The following COP1 variants were observed in gnomAD, a reference collection of about 807,000 sequenced individuals.
The protein encoded by COP1 is E3 ubiquitin-protein ligase COP1.
Under a neutral mutation model 101.3 loss-of-function variants are expected in COP1, and 24 were observed. The ratio of observed to expected loss-of-function variants is 0.24; its 90% CI spans 0.17 to 0.33. COP1 has a LOEUF of 0.33. COP1 is among the 10% of genes least tolerant of loss of function. The pLI is 1.00. For synonymous variants in COP1, 347 were observed against 341.9 expected, an observed-to-expected ratio of 1.01 and a Z score of -0.17; for missense variants, 663 against 906.2, an observed-to-expected ratio of 0.73 and a Z score of 3.45.
chr1:176,028,404 A>C (rs1294683196), intron 14 of COP1, among the ~76,000 whole-genome samples: 1 of 151,702 alleles, frequency 6.6e-6, no homozygotes, highest in Non-Finnish European at 1.5e-5. Context: ...GCCTCTACTA[A>C]AAATACAAAA....
chr1:176,135,065 G>A lies in COP1; in HGVS notation c.913C>T (p.Pro305Ser), dbSNP rs766705212. 45 of 1,608,024 alleles carry A rather than the reference G, an allele frequency of 2.8e-5. No homozygotes were observed. Among genetic ancestry groups the A allele is most frequent in the South Asian group, 2.1e-4 (19 of 90,844 alleles). ...GGCACTGTGCTATCCTCACTGACAG[G>A]AGAGTATAAGCCACTCATTTCCTGA... ...RVEEMSGLYS[P>S]VSEDSTVPQF... The change falls in exon 8 of 20, where the codon CCT becomes TCT. Residue 305 changes from proline (P) to serine (S), a missense_variant. By Grantham distance (74) the Pro-to-Ser change is moderately conservative (BLOSUM62 -1). Coordinates refer to ENST00000367669, the MANE Select transcript of COP1 (RefSeq NM_022457.7).
At chr1:176,199,507 A>G (rs1700060796) in intron 1 of COP1, among the ~76,000 whole-genome samples, 2 of 152,250 alleles carry the variant, frequency 1.3e-5, no homozygotes, top group South Asian at 4.1e-4. Flanking sequence ...ATAATAGCCA[A>G]AAACTAGAAA....
At chr1:175,969,569 T>C (rs1363099587) in intron 18 of COP1, among the ~76,000 whole-genome samples, 2 of 152,160 alleles carry the variant, frequency 1.3e-5, no homozygotes, top group Non-Finnish European at 2.9e-5. Context: ...CAATCATACT[T>C]CTCCATGAGA....
At chr1:176,184,160 G>C (rs1226970154) in intron 2 of COP1, among the ~76,000 whole-genome samples, 1 of 151,916 alleles carries the variant, frequency 6.6e-6, no homozygotes, top group Non-Finnish European at 1.5e-5. Flanking sequence ...AAATTTTTTT[G>C]ATGTATGAGT....
chr1:176,162,161 G>C lies in COP1; in HGVS notation c.762+708C>G, dbSNP rs1694436933. Among the ~76,000 whole-genome samples the C allele has an allele frequency of 3.9e-5, 6 of 152,232 alleles. No individual in the cohort carries two copies. In the South Asian group the frequency reaches 1.2e-3, roughly 32 times the overall value. ...ACTTGTAGTCTTCCAGAGAAGCCAT[G>C]GTTCTAATCTTCTCAAAGTTTGGTG... On this transcript the variant is annotated intron_variant, in intron 5 of 19. Coordinates refer to ENST00000367669, the MANE Select transcript of COP1 (RefSeq NM_022457.7).
intron 18 of COP1, among the ~76,000 whole-genome samples, chr1:175,978,621 G>A (rs1011477428): frequency 2.0e-5 from 3 of 152,074 alleles, no homozygotes; most frequent in African/African-American, 7.2e-5. Context: ...TGGAAGTCAG[G>A]GTCCATGCTC....
intron 3 of COP1, among the ~76,000 whole-genome samples, chr1:176,171,464 T>G (rs1322822509): frequency 6.6e-6 from 1 of 152,226 alleles, no homozygotes; most frequent in Non-Finnish European, 1.5e-5. Context: ...ACTACTAAAC[T>G]TTCTCCATAT....
intron 9 of COP1, among the ~76,000 whole-genome samples, chr1:176,089,640 T>C (rs889925411): frequency 1.3e-5 from 2 of 152,202 alleles, no homozygotes; most frequent in African/African-American, 4.8e-5. Flanking sequence ...GTAAGAGTCA[T>C]ATTTTAAAGC....
intron 14 of COP1, among the ~76,000 whole-genome samples, chr1:176,032,633 G>C (rs1668823083): frequency 6.6e-6 from 1 of 152,076 alleles, no homozygotes; most frequent in Admixed American, 6.5e-5. Flanking sequence ...TAAGGCTTCA[G>C]TTCCCCACCA....
intron 16 of COP1, 110 bp downstream of exon 16, chr1:175,989,252 T>A: frequency 1.8e-6 from 1 of 561,006 alleles, no homozygotes. Flanking sequence ...TAAGAAAAAG[T>A]ACATATACTC....
At chr1:176,124,803 G>A (rs375579962) in intron 8 of COP1, among the ~76,000 whole-genome samples, 12 of 152,156 alleles carry the variant, frequency 7.9e-5, no homozygotes, top group East Asian at 3.9e-4. Flanking sequence ...GGATTGCTGC[G>A]TAATATGCTA....
intron 19 of COP1, 95 bp from the exon 20 acceptor site, chr1:175,945,265 A>C: frequency 1.1e-6 from 1 of 903,442 alleles, no homozygotes; most frequent in African/African-American, 1.8e-5. Flanking sequence ...TAGAAAAGCA[A>C]ATTTAAAAAA....
At chr1:176,162,110 A>G (rs1248267280) in intron 5 of COP1, among the ~76,000 whole-genome samples, 3 of 152,224 alleles carry the variant, frequency 2.0e-5, no homozygotes, top group African/African-American at 4.8e-5. Context: ...AAGACTCTCA[A>G]CAACATTCAA....
chr1:176,069,262 T>C (rs1046677093), intron 11 of COP1, among the ~76,000 whole-genome samples: 3 of 151,846 alleles, frequency 2.0e-5, no homozygotes, highest in African/African-American at 4.8e-5. Context: ...AATGAAGCAA[T>C]AAAAGTAAAT....
intron 6 of COP1, among the ~76,000 whole-genome samples, chr1:176,141,505 A>AATACATAC (rs201284440): frequency 3.9e-5 from 6 of 152,000 alleles, no homozygotes; most frequent in Non-Finnish European, 8.8e-5. Context: ...CATCTCAAAA[A>AATACATAC]ATACATACAT....
chr1:176,174,281 T>C (rs543658705), intron 3 of COP1, among the ~76,000 whole-genome samples: 2 of 152,284 alleles, frequency 1.3e-5, no homozygotes, highest in South Asian at 2.1e-4. Flanking sequence ...TTAGTGATCC[T>C]AGATTCCACA....
chr1:176,164,985 A>C (rs1310372339), intron 3 of COP1, among the ~76,000 whole-genome samples: 1 of 152,178 alleles, frequency 6.6e-6, no homozygotes, highest in African/African-American at 2.4e-5. Flanking sequence ...ATACAATGAG[A>C]CAATGCTGAG....
At position 176,043,811 on chromosome 1, in the gene COP1, T is replaced by C. The variant is rs1212567452; in HGVS notation, c.1429A>G (p.Ser477Gly). 1 of 1,562,736 alleles carries C rather than the reference T, an allele frequency of 6.4e-7. No individual in the cohort carries two copies. The highest frequency in any genetic ancestry group is 8.8e-7 in the Non-Finnish European group (1 of 1,135,756). Reference sequence around the variant, plus strand: ...AGGTTCTTATGGTAACTACTCCAACTGATACAGCTGAAAGAAATACAGTTA... The same window carrying C: ...AGGTTCTTATGGTAACTACTCCAACCGATACAGCTGAAAGAAATACAGTTA... The part of the protein sequence containing the change: ...MTCNSKISCI[S>G]WSSYHKNLLA... Residue 477 changes from serine to glycine, a missense_variant, in exon 13 of 20, where the codon AGT becomes GGT. By Grantham distance (56) the Ser-to-Gly change is moderately conservative. Transcript: ENST00000367669.
At chr1:176,164,836 C>A (rs995442218) in intron 3 of COP1, among the ~76,000 whole-genome samples, 3 of 152,016 alleles carry the variant, frequency 2.0e-5, no homozygotes, top group African/African-American at 7.3e-5. Context: ...ACACAAAAAA[C>A]TGATTTTTTT....
Sources: gnomAD v4.1 joint callset for allele counts (sites outside exome capture counted in the v4.1 genomes callset) on GRCh38, gnomAD v4.1.1 for gene constraint, MANE v1.5 for transcripts, NCBI Gene and HGNC (gene_info 2026-07-23, HGNC 2026-07-21) for gene names.